Variants in ABCC9 observed in about 807,000 individuals in gnomAD.
ABCC9 encodes the protein ATP-binding cassette sub-family C member 9.
In ABCC9, 95 loss-of-function variants were observed where a neutral mutation model predicts 188.3. The ratio of observed to expected loss-of-function variants is 0.50; its 90% CI spans 0.43 to 0.60. The LOEUF (loss-of-function observed/expected upper bound fraction) is 0.60, where lower values mean the gene tolerates loss of function less well. Ranked by LOEUF, ABCC9 falls within the 20% of genes least tolerant of loss-of-function variation. The pLI, the probability that ABCC9 is intolerant of heterozygous loss-of-function variation, is 0.00. For missense variants in ABCC9, 1,102 were observed against 1,876.3 expected, an observed-to-expected ratio of 0.59 and a Z score of 7.62; for synonymous variants, 659 against 652.7, an observed-to-expected ratio of 1.01 and a Z score of -0.15.
At chr12:21,895,064 G>C (rs1015544137) in intron 13 of ABCC9, among the ~76,000 whole-genome samples, 2 of 152,158 alleles carry the variant, frequency 1.3e-5, no homozygotes, top group African/African-American at 4.8e-5. Context: ...CTAACACAGA[G>C]GGCAGCCCCT....
intron 12 of ABCC9, among the ~76,000 whole-genome samples, chr12:21,899,562 C>T (rs1191400419): frequency 6.6e-6 from 1 of 152,186 alleles, no homozygotes; most frequent in Non-Finnish European, 1.5e-5. Flanking sequence ...CTTTCCTAGC[C>T]AAGGGAGGCT....
At chr12:21,814,570 A>G (rs1591958155) in intron 35 of ABCC9, 74 bp downstream of exon 35, 1 of 1,249,252 alleles carries the variant, frequency 8.0e-7, no homozygotes, top group Non-Finnish European at 1.2e-6. Context: ...TGATTTCTGC[A>G]GGATTAGGTA....
At chr12:21,930,686 T>C (rs1949248572) in intron 4 of ABCC9, among the ~76,000 whole-genome samples, 1 of 152,152 alleles carries the variant, frequency 6.6e-6, no homozygotes, top group Non-Finnish European at 1.5e-5. Flanking sequence ...TTTTTGATAA[T>C]GGCCAAAACT....
chr12:21,810,979 G>A (rs1942195154), intron 36 of ABCC9, among the ~76,000 whole-genome samples: 1 of 152,120 alleles, frequency 6.6e-6, no homozygotes. Flanking sequence ...AATGAGAGAT[G>A]TGATCTGGGG....
chr12:21,914,674 A>G (rs1376975082), intron 7 of ABCC9, among the ~76,000 whole-genome samples: 3 of 152,146 alleles, frequency 2.0e-5, no homozygotes, highest in Non-Finnish European at 4.4e-5. Flanking sequence ...TTAGTTATAC[A>G]TGATCATTGA....
intron 18 of ABCC9, among the ~76,000 whole-genome samples, chr12:21,864,888 G>T (rs1945705156): frequency 6.6e-6 from 1 of 152,050 alleles, no homozygotes; most frequent in South Asian, 2.1e-4. Context: ...TTCCAAATTA[G>T]CTACCCTAAG....
Position 21,921,492 on chromosome 12 carries a change from T to G in ABCC9, c.407-4389A>C, listed in dbSNP as rs115169830. ...CATTAATCCCTTGTCAGACAGGCAG[T>G]TTGCAAATATTTTCTCCCATTCTGT... On this transcript the variant is annotated intron_variant, in intron 5 of 39. Transcript: ENST00000261200. 4.4e-3 allele frequency among the ~76,000 whole-genome samples: 663 copies of G among 152,172 alleles called. 7 individuals carry two copies. The highest frequency in any genetic ancestry group is 0.012 in the African/African-American group (499 of 41,538).
chr12:21,845,523 C>G lies in ABCC9; in HGVS notation c.3096+80G>C, dbSNP rs192843076. ...AGTCCTATGGCATTTGGGATATAAGCATCTAACTAGATAAGAAGGTATCAC... is the reference window on the plus strand; with the variant it reads ...AGTCCTATGGCATTTGGGATATAAGGATCTAACTAGATAAGAAGGTATCAC... On this transcript the variant is annotated intron_variant, in intron 26 of 39. Coordinates refer to ENST00000261200, the MANE Select transcript of ABCC9 (RefSeq NM_020297.4). 1.0e-5 allele frequency: 11 copies of G among 1,092,420 alleles called. No individual in the cohort carries two copies. In the African/African-American group the frequency reaches 1.2e-4, roughly 12 times the overall value. 67.7% of individuals were successfully genotyped at this position (1,092,420 alleles called of 1,614,324 possible). A position where few individuals can be genotyped will look rare whatever the true frequency, so the allele number is the denominator to read the frequency against.
At chr12:21,822,642 T>C (rs1308137552) in intron 31 of ABCC9, among the ~76,000 whole-genome samples, 1 of 131,236 alleles carries the variant, frequency 7.6e-6, no homozygotes, top group Non-Finnish European at 1.6e-5. Flanking sequence ...TACACAAAAA[T>C]TAGCTGGGTG....
At chr12:21,838,056 A>C in intron 30 of ABCC9, 22 bp downstream of exon 30, 2 of 1,550,726 alleles carry the variant, frequency 1.3e-6, no homozygotes, top group Non-Finnish European at 1.8e-6. Context: ...TAGTCAGCTA[A>C]TATAAAAATG....
At chr12:21,893,952 A>C in intron 14 of ABCC9, 80 bp downstream of exon 14, 1 of 1,432,664 alleles carries the variant, frequency 7.0e-7, no homozygotes, top group East Asian at 2.4e-5. Flanking sequence ...GTTCTTTTTT[A>C]TATTTTTTCA....
At chr12:21,824,643 C>A (rs1325937774) in intron 31 of ABCC9, among the ~76,000 whole-genome samples, 1 of 152,102 alleles carries the variant, frequency 6.6e-6, no homozygotes, top group Non-Finnish European at 1.5e-5. Context: ...GGTTGGTAGG[C>A]TACTAATTAT....
Position 21,902,755 on chromosome 12 carries a change from C to T in ABCC9, c.1618+3371G>A, listed in dbSNP as rs567325346. Among the ~76,000 whole-genome samples, 5 of 152,212 alleles carry T rather than the reference C, an allele frequency of 3.3e-5. No homozygotes were observed. In the South Asian group the frequency reaches 1.0e-3, roughly 32 times the overall value. ...AGACTAAACCAGGAAGAAGTTGAAT[C>T]CCTGAATAGACCAATAACAGGCTCT... On this transcript the variant is annotated intron_variant, in intron 12 of 39. Transcript: ENST00000261200.
chr12:21,916,858 A>C, intron 6 of ABCC9, 79 bp downstream of exon 6: 11 of 1,328,900 alleles, frequency 8.3e-6, no homozygotes, highest in Non-Finnish European at 1.1e-5. Context: ...TGTCAATACT[A>C]ATGATTTCTA....
At chr12:21,848,317 A>T in intron 24 of ABCC9, 71 bp from the exon 25 acceptor site, 1 of 1,331,864 alleles carries the variant, frequency 7.5e-7, no homozygotes, top group East Asian at 2.3e-5. Context: ...TGAATGACTC[A>T]CACGTGTAAA....
At chr12:21,866,483 A>C (rs1445052679) in intron 18 of ABCC9, among the ~76,000 whole-genome samples, 3 of 152,206 alleles carry the variant, frequency 2.0e-5, no homozygotes, top group Admixed American at 1.3e-4. Flanking sequence ...AACATTAATA[A>C]AATAACCATA....
intron 2 of ABCC9, among the ~76,000 whole-genome samples, chr12:21,939,278 C>T (rs1949606157): frequency 6.6e-6 from 1 of 152,162 alleles, no homozygotes; most frequent in Non-Finnish European, 1.5e-5. Flanking sequence ...TTTGACTCCT[C>T]ATTTATCCTT....
In ABCC9 at chr12:21,814,728, A is replaced by G. The variant is rs745866389; in HGVS notation, c.4024-6T>C. ...GTGCGACCACATATGCCCACCTAGG[A>G]AAACAGCTGTCACTCAAAGAGAAGA... On this transcript the variant is annotated splice_region_variant and splice_polypyrimidine_tract_variant and intron_variant, in intron 34 of 39. Transcript: ENST00000261200. 3 of 1,613,344 alleles carry G rather than the reference A, an allele frequency of 1.9e-6. No individual in the cohort carries two copies. The highest frequency in any genetic ancestry group is 2.5e-6 in the Non-Finnish European group (3 of 1,179,434).
rs373853020 is a variant in ABCC9, at chr12:21,844,943, A to T, written c.3097-28T>A. 4.3e-6 allele frequency: 7 copies of T among 1,612,206 alleles called. No homozygotes were observed. The African/African-American group carries it at 5.3e-5, about 12-fold the overall frequency. On this transcript the variant is annotated intron_variant, in intron 26 of 39. Coordinates refer to ENST00000261200, the MANE Select transcript of ABCC9 (RefSeq NM_020297.4). ...AAAAAGCAACCAACACAAAAAGCAC[A>T]TAGGAAATTATCAATGGAGTTCTTT...
Sources: allele counts gnomAD v4.1 joint callset (sites outside exome capture counted in the v4.1 genomes callset), GRCh38; gene constraint gnomAD v4.1.1; transcripts MANE v1.5; gene names NCBI Gene and HGNC (gene_info 2026-07-23, HGNC 2026-07-21).